CSRNP3: variants seen among roughly 807,000 people sequenced by gnomAD.
CSRNP3 encodes cysteine/serine-rich nuclear protein 3.
Under a neutral mutation model 48.0 loss-of-function variants are expected in CSRNP3, and 12 were observed. That is an observed-to-expected ratio of 0.25 (90% confidence interval 0.16 to 0.41). The LOEUF is 0.41. Among genes scored for constraint, CSRNP3 ranks in the 10% least tolerant of loss-of-function variants. The pLI, the probability that CSRNP3 is intolerant of heterozygous loss-of-function variation, is 1.00. For missense variants in CSRNP3, 580 were observed against 724.4 expected (o/e 0.80, Z 2.29); for synonymous variants, 263 against 269.7 (o/e 0.98, Z 0.24).
chr2:165,492,225 G>A (rs1684222358), intron 1 of CSRNP3, among the ~76,000 whole-genome samples: 1 of 152,050 alleles, frequency 6.6e-6, no homozygotes, highest in Non-Finnish European at 1.5e-5. Context: ...TAGACCCTCT[G>A]TTTTCTGATG....
At position 165,499,105 on chromosome 2, in the gene CSRNP3, A is replaced by G. The variant is rs16850790; in HGVS notation, c.-113+4177A>G. Among the ~76,000 whole-genome samples the G allele has an allele frequency of 9.3e-3, 1,411 of 152,302 alleles. 16 individuals carry two copies. The highest frequency in any genetic ancestry group is 0.032 in the African/African-American group (1,329 of 41,574). On this transcript the variant is annotated intron_variant, in intron 2 of 6. Transcript: ENST00000651982. ...CAGGCAATACATAAATGATTGCCCA[A>G]CTGTAAAATATCATGGCTTGAAAAA...
At chr2:165,616,650 A>T (rs1686250084) in intron 4 of CSRNP3, among the ~76,000 whole-genome samples, 1 of 152,124 alleles carries the variant, frequency 6.6e-6, no homozygotes, top group Non-Finnish European at 1.5e-5. Flanking sequence ...TCCCTTTTAT[A>T]TGAATTGATG....
chr2:165,633,686 G>A (rs978999791), intron 4 of CSRNP3, among the ~76,000 whole-genome samples: 2 of 152,166 alleles, frequency 1.3e-5, no homozygotes, highest in Non-Finnish European at 2.9e-5. Flanking sequence ...TACTAGGGCT[G>A]CATCTTACTG....
At chr2:165,634,339 CA>C (rs369187451) in intron 4 of CSRNP3, among the ~76,000 whole-genome samples, 130 of 150,886 alleles carry the variant, frequency 8.6e-4, no homozygotes, top group African/African-American at 3.0e-3. Flanking sequence ...AGATCCTGTC[CA>C]AAAAAAGAAA....
intron 4 of CSRNP3, among the ~76,000 whole-genome samples, chr2:165,614,022 A>C (rs576386400): frequency 5.9e-5 from 9 of 152,064 alleles, no homozygotes; most frequent in Non-Finnish European, 8.8e-5. Flanking sequence ...AATTCTTCCA[A>C]TCTGTGAGCA....
At chr2:165,643,193 A>G (rs1686753761) in intron 4 of CSRNP3, among the ~76,000 whole-genome samples, 1 of 152,172 alleles carries the variant, frequency 6.6e-6, no homozygotes, top group Non-Finnish European at 1.5e-5. Context: ...AAATAAACCA[A>G]AACGCTGTTG....
chr2:165,593,423 A>G (rs1449277677), intron 3 of CSRNP3, among the ~76,000 whole-genome samples: 1 of 152,256 alleles, frequency 6.6e-6, no homozygotes, highest in Non-Finnish European at 1.5e-5. Flanking sequence ...CTTCCTGGGA[A>G]TTTCTGATTT....
At chr2:165,673,987 C>T (rs1055862916) in intron 5 of CSRNP3, among the ~76,000 whole-genome samples, 1 of 152,004 alleles carries the variant, frequency 6.6e-6, no homozygotes, top group African/African-American at 2.4e-5. Flanking sequence ...TGCCATTGCA[C>T]TCCAGCCTGG....
rs138037189 is a variant in CSRNP3, at chr2:165,558,202, G to C, written c.-23-36841G>C. On this transcript the variant is annotated intron_variant, in intron 3 of 6. Coordinates refer to ENST00000651982, the MANE Select transcript of CSRNP3 (RefSeq NM_001172173.2). ...AACACTTGGTTATTTTATTTGGCCA[G>C]CATGGTGGAGTTTAACAGTCTGAAT... 1.3e-4 allele frequency among the ~76,000 whole-genome samples: 20 copies of C among 152,268 alleles called. 1 individual carries two copies. Among genetic ancestry groups the C allele is most frequent in the Middle Eastern group, 3.4e-3 (1 of 294 alleles).
At chr2:165,543,775 A>C (rs981107587) in intron 3 of CSRNP3, among the ~76,000 whole-genome samples, 1 of 152,110 alleles carries the variant, frequency 6.6e-6, no homozygotes, top group Admixed American at 6.6e-5. Flanking sequence ...TGGGGTATCC[A>C]TCTCCTCAAA....
chr2:165,527,199 C>CTTTTTTTTTTTTT, intron 3 of CSRNP3, among the ~76,000 whole-genome samples: 1 of 87,296 alleles, frequency 1.1e-5, no homozygotes, highest in Non-Finnish European at 2.1e-5. Flanking sequence ...GCTGTTTGTA[C>CTTTTTTTTTTTTT]TTTTTTTTTT....
At chr2:165,535,191 G>A (rs1684865505) in intron 3 of CSRNP3, among the ~76,000 whole-genome samples, 1 of 151,652 alleles carries the variant, frequency 6.6e-6, no homozygotes, top group African/African-American at 2.4e-5. Flanking sequence ...CTCATCCTTA[G>A]GAGGAAGAAA....
intron 2 of CSRNP3, among the ~76,000 whole-genome samples, chr2:165,501,896 A>G (rs1330007359): frequency 6.6e-6 from 1 of 152,102 alleles, no homozygotes; most frequent in East Asian, 1.9e-4. Flanking sequence ...GCCAGTCTGA[A>G]CTAGGTAACT....
At chr2:165,546,111 G>A (rs1382860908) in intron 3 of CSRNP3, among the ~76,000 whole-genome samples, 1 of 152,092 alleles carries the variant, frequency 6.6e-6, no homozygotes. Flanking sequence ...GACCTGGACT[G>A]CAGCTAGGTC....
chr2:165,581,245 T>C (rs1170099469), intron 3 of CSRNP3, among the ~76,000 whole-genome samples: 1 of 152,232 alleles, frequency 6.6e-6, no homozygotes, highest in Non-Finnish European at 1.5e-5. Flanking sequence ...GTATGAATAC[T>C]AATCACAATG....
chr2:165,611,979 T>C (rs1233482710), intron 4 of CSRNP3, among the ~76,000 whole-genome samples: 3 of 152,128 alleles, frequency 2.0e-5, no homozygotes, highest in Non-Finnish European at 4.4e-5. Flanking sequence ...TATAGCTTTA[T>C]TTATAGTGCC....
intron 2 of CSRNP3, among the ~76,000 whole-genome samples, chr2:165,495,573 C>T (rs778313388): frequency 1.8e-4 from 28 of 152,004 alleles, no homozygotes; most frequent in Non-Finnish European, 3.5e-4. Flanking sequence ...AAAAGATGCA[C>T]ATATGAAGGT....
intron 3 of CSRNP3, among the ~76,000 whole-genome samples, chr2:165,593,552 G>C (rs1685758503): frequency 6.6e-6 from 1 of 152,188 alleles, no homozygotes; most frequent in Admixed American, 6.5e-5. Context: ...CTTCCTTGGA[G>C]AGTTGGCCCA....
chr2:165,486,286 A>T (rs1466135334), intron 1 of CSRNP3, among the ~76,000 whole-genome samples: 2 of 152,216 alleles, frequency 1.3e-5, no homozygotes, highest in African/African-American at 4.8e-5. Flanking sequence ...CCTGGCTCGG[A>T]GGGTCCTACG....
Sources: allele counts gnomAD v4.1 joint callset (sites outside exome capture counted in the v4.1 genomes callset), GRCh38; gene constraint gnomAD v4.1.1; transcripts MANE v1.5; gene names NCBI Gene and HGNC (gene_info 2026-07-23, HGNC 2026-07-21).